The following ASCC1 variants were observed in gnomAD, a reference collection of about 807,000 sequenced individuals.
ASCC1 encodes the protein activating signal cointegrator 1 complex subunit 1, also known as ASC-1 complex subunit P50.
In ASCC1, 35 loss-of-function variants were observed where a neutral mutation model predicts 46.6. The observed-to-expected ratio is 0.75, with a 90% confidence interval of 0.57 to 0.99. The LOEUF is 0.99. Among genes scored for constraint, ASCC1 ranks in the 50% least tolerant of loss-of-function variants. The pLI is 0.00. For missense variants in ASCC1, 376 were observed against 428.7 expected (o/e 0.88, Z 1.09); for synonymous variants, 143 against 146.6 (o/e 0.98, Z 0.18).
intron 5 of ASCC1, among the ~76,000 whole-genome samples, chr10:72,167,538 A>G (rs1564684098): frequency 6.6e-6 from 1 of 152,280 alleles, no homozygotes; most frequent in South Asian, 2.1e-4. Context: ...ACAACTCTGT[A>G]AATTTATTTA....
At chr10:72,105,405 G>A (rs1357717970) in intron 9 of ASCC1, among the ~76,000 whole-genome samples, 2 of 152,190 alleles carry the variant, frequency 1.3e-5, no homozygotes, top group Non-Finnish European at 2.9e-5. Context: ...ACTTGCTCAC[G>A]TGCTCCCTCC....
At chr10:72,112,491 T>C (rs1006127135) in intron 9 of ASCC1, among the ~76,000 whole-genome samples, 8 of 151,882 alleles carry the variant, frequency 5.3e-5, no homozygotes, top group African/African-American at 1.4e-4. Flanking sequence ...TGGATAGTGA[T>C]GATGGTCGCG....
intron 7 of ASCC1, among the ~76,000 whole-genome samples, chr10:72,148,574 AT>A (rs1432234957): frequency 2.0e-5 from 3 of 152,348 alleles, no homozygotes; most frequent in African/African-American, 4.8e-5. Context: ...ATTTTGGAAA[AT>A]GTGTATCTGC....
chr10:72,193,147 A>T (rs1272534952), intron 5 of ASCC1, among the ~76,000 whole-genome samples: 1 of 152,216 alleles, frequency 6.6e-6, no homozygotes, highest in Non-Finnish European at 1.5e-5. Flanking sequence ...TTTACTGTAA[A>T]GAAATGAAAA....
chr10:72,171,094 C>T (rs1012297998), intron 5 of ASCC1, among the ~76,000 whole-genome samples: 13 of 152,256 alleles, frequency 8.5e-5, no homozygotes, highest in Middle Eastern at 3.4e-3. Context: ...GAAATATTAA[C>T]AATAGGTGAA....
At chr10:72,123,134 G>A (rs1426415247) in intron 9 of ASCC1, among the ~76,000 whole-genome samples, 1 of 151,910 alleles carries the variant, frequency 6.6e-6, no homozygotes, top group Non-Finnish European at 1.5e-5. Context: ...TCAGGAGATC[G>A]AGACCATCCT....
At chr10:72,100,623 G>T (rs1720507513) in intron 9 of ASCC1, among the ~76,000 whole-genome samples, 1 of 151,650 alleles carries the variant, frequency 6.6e-6, no homozygotes, top group Non-Finnish European at 1.5e-5. Flanking sequence ...GAACTCCTGG[G>T]CTCAAGTGAT....
At chr10:72,133,313 G>A in intron 7 of ASCC1, 132 bp from the exon 8 acceptor site, 3 of 877,910 alleles carry the variant, frequency 3.4e-6, no homozygotes, top group Non-Finnish European at 5.5e-6. Context: ...ACAGGAGGAA[G>A]AATAAGAGAC....
chr10:72,132,852 T>C (rs963105935), intron 8 of ASCC1, among the ~76,000 whole-genome samples: 2 of 152,226 alleles, frequency 1.3e-5, no homozygotes, highest in East Asian at 1.9e-4. Context: ...GGCAATCCTA[T>C]GTGTGACAGA....
chr10:72,129,345 A>G (rs1845283368), intron 8 of ASCC1, among the ~76,000 whole-genome samples: 1 of 152,254 alleles, frequency 6.6e-6, no homozygotes, highest in Admixed American at 6.5e-5. Context: ...AAAATGTGGC[A>G]TATCCATACA....
chr10:72,107,964 T>C (rs942454695), intron 9 of ASCC1, among the ~76,000 whole-genome samples: 3 of 152,230 alleles, frequency 2.0e-5, no homozygotes, highest in Admixed American at 6.5e-5. Flanking sequence ...CTTTTAACTG[T>C]TGATCTTCAT....
chr10:72,129,388 C>A (rs557498313), intron 8 of ASCC1, among the ~76,000 whole-genome samples: 1 of 152,304 alleles, frequency 6.6e-6, no homozygotes, highest in African/African-American at 2.4e-5. Flanking sequence ...AGAAATGAAG[C>A]ACCAGGCATG....
intron 9 of ASCC1, among the ~76,000 whole-genome samples, chr10:72,112,794 A>T (rs1160088672): frequency 1.4e-5 from 2 of 147,320 alleles, no homozygotes. Flanking sequence ...CACGAGAATC[A>T]CTTGAACCCA....
intron 5 of ASCC1, among the ~76,000 whole-genome samples, chr10:72,195,726 C>T (rs1452944461): frequency 6.6e-6 from 1 of 151,490 alleles, no homozygotes; most frequent in Non-Finnish European, 1.5e-5. Context: ...CCTAGCTACT[C>T]AGGAGGCTGA....
chr10:72,159,819 T>C (rs755986762), intron 6 of ASCC1, among the ~76,000 whole-genome samples: 24 of 152,022 alleles, frequency 1.6e-4, no homozygotes, highest in Non-Finnish European at 2.6e-4. Context: ...CAGCTTATGA[T>C]CTTGCTCAAG....
chr10:72,149,099 C>A (rs1847972172), intron 7 of ASCC1, among the ~76,000 whole-genome samples: 1 of 151,678 alleles, frequency 6.6e-6, no homozygotes, highest in African/African-American at 2.4e-5. Flanking sequence ...TATCTTCTCA[C>A]TAAATTTGGG....
At chr10:72,192,454 C>CAAAAAAA (rs770758322) in intron 5 of ASCC1, among the ~76,000 whole-genome samples, 3 of 109,366 alleles carry the variant, frequency 2.7e-5, no homozygotes, top group East Asian at 2.7e-4. Flanking sequence ...GACTCCGTCT[C>CAAAAAAA]AAAAAAAAAA....
At chr10:72,105,576 T>A (rs1053624847) in intron 9 of ASCC1, among the ~76,000 whole-genome samples, 1 of 152,124 alleles carries the variant, frequency 6.6e-6, no homozygotes, top group Non-Finnish European at 1.5e-5. Flanking sequence ...TGATGAAAGG[T>A]TTTTGGTCAA....
At chr10:72,207,817 T>A (rs1589646238) in intron 3 of ASCC1, among the ~76,000 whole-genome samples, 1 of 46,370 alleles carries the variant, frequency 2.2e-5, no homozygotes. Context: ...ATCTTAGTAT[T>A]TTTTTTTTTT....
Sources: allele counts gnomAD v4.1 joint callset (sites outside exome capture counted in the v4.1 genomes callset), GRCh38; gene constraint gnomAD v4.1.1; transcripts MANE v1.5; gene names NCBI Gene and HGNC (gene_info 2026-07-23, HGNC 2026-07-21).